POU6F1: variants seen among roughly 807,000 people sequenced by gnomAD.
The protein encoded by POU6F1 is POU class 6 homeobox 1, also known as POU domain, class 6, transcription factor 1.
A neutral mutation model predicts 28.9 loss-of-function variants in POU6F1; 9 were observed. The observed-to-expected ratio is 0.31, with a 90% CI of 0.19 to 0.54. The LOEUF (loss-of-function observed/expected upper bound fraction) is 0.54. Among genes scored for constraint, POU6F1 ranks in the 20% least tolerant of loss-of-function variants. The pLI is 0.94. For missense variants in POU6F1, 338 were observed against 426.1 expected, an observed-to-expected ratio of 0.79 and a Z score of 1.82; for synonymous variants, 173 against 171.1, an observed-to-expected ratio of 1.01 and a Z score of -0.09.
intron 1 of POU6F1, among the ~76,000 whole-genome samples, chr12:51,214,899 C>T (rs945838537): frequency 5.3e-5 from 8 of 151,892 alleles, no homozygotes; most frequent in Non-Finnish European, 1.0e-4. Flanking sequence ...GGTGAAGCTG[C>T]AGTGAGCCAA....
intron 6 of POU6F1, among the ~76,000 whole-genome samples, chr12:51,197,327 T>C (rs923898808): frequency 5.3e-5 from 8 of 152,074 alleles, no homozygotes; most frequent in Admixed American, 5.2e-4. Flanking sequence ...CTCGGGTTAA[T>C]CTTTCAGGCC....
At chr12:51,191,833 G>A in intron 9 of POU6F1, 69 bp from the exon 10 acceptor site, 1 of 1,575,116 alleles carries the variant, frequency 6.3e-7, no homozygotes, top group Non-Finnish European at 8.7e-7. Flanking sequence ...CTGGCTCATT[G>A]GTCTGAACTG....
In POU6F1 at chr12:51,189,663, G is replaced by A. The variant is rs1436674667; in HGVS notation, c.*584C>T. 1 of 154,168 alleles carries A rather than the reference G, an allele frequency of 6.5e-6. No homozygotes were observed. The highest frequency in any genetic ancestry group is 1.4e-5 in the Non-Finnish European group (1 of 69,182). The allele number at this position is 154,168 out of a possible 1,614,324, so 9.6% of individuals were successfully genotyped here. On this transcript the variant is annotated 3_prime_UTR_variant, in exon 11 of 11. Coordinates refer to ENST00000333640, the MANE Select transcript of POU6F1 (RefSeq NM_001330422.2). The stretch of plus-strand genomic sequence containing the variant: ...GGAACCTTCTGACCTTGAGGTCAAG[G>A]CAGACATGGAGTCTGACCTTCTGAG...
intron 8 of POU6F1, 27 bp downstream of exon 8, chr12:51,195,943 A>AACC: frequency 1.9e-5 from 3 of 155,028 alleles, no homozygotes; most frequent in Non-Finnish European, 1.3e-5. Flanking sequence ...AGCCTGCCCC[A>AACC]CCCCCCACCC....
In POU6F1 at chr12:51,217,517, T is replaced by C. The variant is rs1179892784; in HGVS notation, c.-48+125A>G. 1 of 152,174 alleles carries C rather than the reference T, an allele frequency of 6.6e-6. No individual in the cohort carries two copies. Among genetic ancestry groups the C allele is most frequent in the Non-Finnish European group, 1.5e-5 (1 of 67,880 alleles). The allele number at this position is 152,174 out of a possible 1,614,324, so 9.4% of individuals were successfully genotyped here. ...CCCCGGCCCCGCGGCTTTTTTTCTCTTTATCATAAATATATAAATTATGCT... is the reference window on the plus strand; with the variant it reads ...CCCCGGCCCCGCGGCTTTTTTTCTCCTTATCATAAATATATAAATTATGCT... On this transcript the variant is annotated intron_variant, in intron 1 of 10. Coordinates refer to ENST00000333640, the MANE Select transcript of POU6F1 (RefSeq NM_001330422.2). This position sits in a 1 kb window ranked among gnomAD's most constrained non-coding sequence, Gnocchi z 5.3.
In POU6F1 at chr12:51,190,683, G is replaced by A; in HGVS notation, c.1491-91C>T. The A allele has an allele frequency of 6.5e-7, 1 of 1,527,538 alleles. No individual in the cohort carries two copies. The highest frequency in any genetic ancestry group is 8.8e-7 in the Non-Finnish European group (1 of 1,141,476). The allele number at this position is 1,527,538 out of a possible 1,614,324, so 94.6% of individuals were successfully genotyped here. A position where few individuals can be genotyped will look rare whatever the true frequency, so the allele number is the denominator to read the frequency against. On this transcript the variant is annotated intron_variant, in intron 10 of 10. Coordinates refer to ENST00000333640, the MANE Select transcript of POU6F1 (RefSeq NM_001330422.2). The surrounding 1 kb of genome is among the most constrained non-coding windows in gnomAD (Gnocchi z 4.5). Reference sequence around the variant, plus strand: ...CCTAGGTGCAGGCTCCATCCTCAAGGGGCCGCTCCTCTAGGGGCTGGTGAG... The same window carrying A: ...CCTAGGTGCAGGCTCCATCCTCAAGAGGCCGCTCCTCTAGGGGCTGGTGAG...
At chr12:51,193,597 A>T (rs114844969) in intron 8 of POU6F1, among the ~76,000 whole-genome samples, 2,909 of 151,590 alleles carry the variant, frequency 0.019, 84 homozygotes, top group African/African-American at 0.06. Context: ...AAAATAATTT[A>T]AAAAAAAAGA....
chr12:51,196,685 C>T (rs1942849702), intron 7 of POU6F1, 114 bp downstream of exon 7: 4 of 1,316,152 alleles, frequency 3.0e-6, no homozygotes, highest in Non-Finnish European at 3.2e-6. Context: ...GAGATAGGAA[C>T]AACAGCTTGA....
chr12:51,206,760 A>AC (rs151280363), intron 2 of POU6F1, 29 bp downstream of exon 2: 4 of 397,344 alleles, frequency 1.0e-5, no homozygotes, highest in East Asian at 3.6e-5. Flanking sequence ...CATCACCCTT[A>AC]CCCCCCCACT....
chr12:51,213,524 G>GTTTAT (rs1027067600), intron 1 of POU6F1, among the ~76,000 whole-genome samples: 3 of 151,718 alleles, frequency 2.0e-5, no homozygotes, highest in Non-Finnish European at 4.4e-5. Context: ...CATTTCTATG[G>GTTTAT]TTTATTTTAT....
chr12:51,202,976 A>T (rs1479050383), intron 3 of POU6F1, among the ~76,000 whole-genome samples: 1 of 152,074 alleles, frequency 6.6e-6, no homozygotes, highest in East Asian at 1.9e-4. Flanking sequence ...ACCCTTCTTA[A>T]TACTGCACAC....
At chr12:51,209,860 G>T (rs1453639158) in intron 1 of POU6F1, among the ~76,000 whole-genome samples, 1 of 152,208 alleles carries the variant, frequency 6.6e-6, no homozygotes, top group Non-Finnish European at 1.5e-5. Flanking sequence ...GTAGGATGAG[G>T]GGGTGCAGGA....
chr12:51,195,101 G>A (rs1340477599), intron 8 of POU6F1, among the ~76,000 whole-genome samples: 1 of 152,196 alleles, frequency 6.6e-6, no homozygotes, highest in Non-Finnish European at 1.5e-5. Flanking sequence ...TTCCCTGAAG[G>A]TAGAACACTC....
At chr12:51,191,141 C>A (rs1437183481) in intron 10 of POU6F1, among the ~76,000 whole-genome samples, 1 of 152,224 alleles carries the variant, frequency 6.6e-6, no homozygotes, top group Admixed American at 6.5e-5. Flanking sequence ...TCCCTCCTGG[C>A]ACCAAAACTA....
chr12:51,206,618 C>T (rs1326370540), intron 2 of POU6F1, among the ~76,000 whole-genome samples, 171 bp downstream of exon 2: 1 of 152,076 alleles, frequency 6.6e-6, no homozygotes, highest in African/African-American at 2.4e-5. Context: ...CAGCTTAACT[C>T]CCCAAACCCA....
chr12:51,216,067 C>T (rs934778216), intron 1 of POU6F1, among the ~76,000 whole-genome samples: 12 of 152,020 alleles, frequency 7.9e-5, no homozygotes, highest in Non-Finnish European at 2.9e-5. Flanking sequence ...CCTGTAATCC[C>T]AGCACTTTGG....
Position 51,192,388 on chromosome 12 carries a change from G to A in POU6F1, c.1263C>T (p.Ala421=), listed in dbSNP as rs147830095. Residue 421 remains alanine (A), a synonymous_variant, in exon 9 of 11, where the codon GCC becomes GCT. Coordinates refer to ENST00000333640, the MANE Select transcript of POU6F1 (RefSeq NM_001330422.2). ...AGCAGGTAATTGGGATAGGAGCAGAGGCAGATGGCTTGGCGGCTGGAGCTG... is the reference window on the plus strand; with the variant it reads ...AGCAGGTAATTGGGATAGGAGCAGAAGCAGATGGCTTGGCGGCTGGAGCTG... The part of the protein sequence containing the change: ...ASPAPAAKPS[A]SAPIPITCSE... The A allele has an allele frequency of 2.5e-5, 41 of 1,614,222 alleles. No individual in the cohort carries two copies. The highest frequency in any genetic ancestry group is 1.6e-4 in the South Asian group (15 of 91,088).
chr12:51,208,565 T>TC (rs770908665), intron 1 of POU6F1, among the ~76,000 whole-genome samples: 1 of 152,038 alleles, frequency 6.6e-6, no homozygotes, highest in Non-Finnish European at 1.5e-5. Flanking sequence ...AATGTGTCCT[T>TC]CCCCGCAAAT....
Position 51,217,393 on chromosome 12 carries a change from C to A in POU6F1, c.-48+249G>T, listed in dbSNP as rs1403249868. On this transcript the variant is annotated intron_variant, in intron 1 of 10. Coordinates refer to ENST00000333640, the MANE Select transcript of POU6F1 (RefSeq NM_001330422.2). This position sits in a 1 kb window ranked among gnomAD's most constrained non-coding sequence, Gnocchi z 5.3. ...CTCCAGGTCCAGAGCGGCCCGCGGGCGGGCGAGGGCGCGGCCCCCGGGTGT... is the reference window on the plus strand; with the variant it reads ...CTCCAGGTCCAGAGCGGCCCGCGGGAGGGCGAGGGCGCGGCCCCCGGGTGT... Among the ~76,000 whole-genome samples, 6 of 151,928 alleles carry A rather than the reference C, an allele frequency of 3.9e-5. No individual in the cohort carries two copies. Among genetic ancestry groups the A allele is most frequent in the Non-Finnish European group, 8.8e-5 (6 of 67,928 alleles).
Sources: allele counts gnomAD v4.1 joint callset (sites outside exome capture counted in the v4.1 genomes callset), GRCh38; gene constraint gnomAD v4.1.1; non-coding constraint Gnocchi (gnomAD v3.1); transcripts MANE v1.5; gene names NCBI Gene and HGNC (gene_info 2026-07-23, HGNC 2026-07-21).